The following GARNL3 variants were observed in gnomAD, a reference collection of about 807,000 sequenced individuals.
The protein encoded by GARNL3 is GTPase activating Rap/RanGAP domain like 3, also known as GTPase-activating Rap/Ran-GAP domain-like protein 3.
GARNL3 carries 63 observed loss-of-function variants against 125.0 expected under a neutral mutation model. The ratio of observed to expected loss-of-function variants is 0.50; its 90% confidence interval spans 0.41 to 0.62. GARNL3 has a LOEUF of 0.62. Ranked by LOEUF, GARNL3 falls within the 20% of genes least tolerant of loss-of-function variation. The pLI is 0.00. For missense variants in GARNL3, 994 were observed against 1,244.0 expected, an observed-to-expected ratio of 0.80 and a Z score of 3.02; for synonymous variants, 439 against 457.5, an observed-to-expected ratio of 0.96 and a Z score of 0.52.
intron 21 of GARNL3, among the ~76,000 whole-genome samples, chr9:127,359,532 T>C (rs1830872038): frequency 1.3e-5 from 2 of 152,000 alleles, no homozygotes. Context: ...TTCTCAAAAC[T>C]GTGTAAGCAG....
chr9:127,313,478 C>G lies in GARNL3; in HGVS notation c.357C>G (p.Ser119Arg). 3.1e-6 allele frequency: 5 copies of G among 1,613,906 alleles called. No homozygotes were observed. Among genetic ancestry groups the G allele is most frequent in the Non-Finnish European group, 4.2e-6 (5 of 1,179,756 alleles). Residue 119 changes from serine (S) to arginine (R), a missense_variant, in exon 4 of 28, where the codon AGC becomes AGG. Physicochemically the swap from Ser to Arg is moderately radical, Grantham distance 110. Around this residue, in one of 5 missense-constraint regions of GARNL3, gnomAD observed 139 missense variants for 231.6 expected, o/e 0.60. Coordinates refer to ENST00000373387, the MANE Select transcript of GARNL3 (RefSeq NM_032293.5). ...QNYIGNDAEK[S>R]PFFLSVTLSD... ...ACATTGGAAACGATGCCGAGAAGAG[C>G]CCTTTCTTCTTGTCCGTGACCCTTT...
chr9:127,224,906 GGGGCGGGGCGT>G (rs71377990), intron 1 of GARNL3, among the ~76,000 whole-genome samples: 20,808 of 100,828 alleles, frequency 0.21, 3,578 homozygotes, highest in East Asian at 0.43. Flanking sequence ...ACCGGAGCGC[GGGGCGGGGCGT>G]GGGCGGGGCG....
At chr9:127,389,995 A>G (rs1298674140) in intron 26 of GARNL3, among the ~76,000 whole-genome samples, 1 of 152,076 alleles carries the variant, frequency 6.6e-6, no homozygotes, top group Non-Finnish European at 1.5e-5. Context: ...TAAGTGTGAA[A>G]AGGTTAGACT....
intron 2 of GARNL3, among the ~76,000 whole-genome samples, chr9:127,310,530 C>G (rs7867032): frequency 0.084 from 12,731 of 152,028 alleles, 1,566 homozygotes; most frequent in African/African-American, 0.27. Context: ...ACCTGTAATC[C>G]CAGCACTTTG....
rs1311480364 is a variant in GARNL3, at chr9:127,344,349, C to A, written c.1356+10C>A. 6.4e-7 allele frequency: 1 copy of A among 1,558,718 alleles called. No individual in the cohort carries two copies. Among genetic ancestry groups the A allele is most frequent in the Non-Finnish European group, 8.9e-7 (1 of 1,129,942 alleles). On this transcript the variant is annotated intron_variant, in intron 15 of 27. Transcript: ENST00000373387. ...TGTTAGAATAGGGCAGGTGGGTTTT[C>A]TTCTGAAACCTTTTCTGCGAGACAT...
intron 17 of GARNL3, chr9:127,353,643 G>A (rs1830527067): frequency 3.5e-6 from 2 of 572,570 alleles, no homozygotes; most frequent in Non-Finnish European, 6.2e-6. Context: ...TTGCCTATGG[G>A]AAGAAAGCAT....
chr9:127,303,150 C>T (rs1564898773), intron 2 of GARNL3, among the ~76,000 whole-genome samples: 1 of 150,612 alleles, frequency 6.6e-6, no homozygotes, highest in South Asian at 2.1e-4. Flanking sequence ...GACTCCATCT[C>T]AAAAAAAATA....
At chr9:127,382,090 C>G (rs1346761738) in intron 22 of GARNL3, among the ~76,000 whole-genome samples, 1 of 152,060 alleles carries the variant, frequency 6.6e-6, no homozygotes, top group Non-Finnish European at 1.5e-5. Flanking sequence ...CACTTGAGGT[C>G]AGGAGTTCGA....
intron 2 of GARNL3, among the ~76,000 whole-genome samples, chr9:127,296,652 A>G (rs992139294): frequency 6.6e-6 from 1 of 151,898 alleles, no homozygotes; most frequent in Non-Finnish European, 1.5e-5. Flanking sequence ...TTATATTTTT[A>G]GTAGAGACAG....
Position 127,333,057 on chromosome 9 carries a change from T to A in GARNL3, c.705T>A (p.Asn235Lys). Residue 235 changes from asparagine (N) to lysine (K), a missense_variant, in exon 9 of 28, where the codon AAT becomes AAA. This residue lies in a region of GARNL3 where 71 missense variants were observed against 66.2 expected (regional missense o/e 1.07). Coordinates refer to ENST00000373387, the MANE Select transcript of GARNL3 (RefSeq NM_032293.5). ...GCGAGCCTTTTCAAAAATTTTTAAATCTTCTGGGTGACACAATCACTCTAA... is the reference window on the plus strand; with the variant it reads ...GCGAGCCTTTTCAAAAATTTTTAAAACTTCTGGGTGACACAATCACTCTAA... The part of the protein sequence containing the change: ...IGSEPFQKFL[N>K]LLGDTITLKG... The A allele has an allele frequency of 6.2e-7, 1 of 1,614,114 alleles. No individual in the cohort carries two copies. Among genetic ancestry groups the A allele is most frequent in the Non-Finnish European group, 8.5e-7 (1 of 1,179,962 alleles).
At chr9:127,257,770 AC>A (rs1416873782) in intron 2 of GARNL3, among the ~76,000 whole-genome samples, 1 of 152,182 alleles carries the variant, frequency 6.6e-6, no homozygotes, top group Admixed American at 6.5e-5. Context: ...AAAGGAACCC[AC>A]CTGTGTTCAA....
intron 2 of GARNL3, among the ~76,000 whole-genome samples, chr9:127,305,964 C>G (rs987411167): frequency 2.6e-5 from 4 of 152,098 alleles, no homozygotes; most frequent in African/African-American, 9.7e-5. Context: ...CATGCCAGTG[C>G]CTCTGGAGTC....
chr9:127,334,203 A>G (rs954103162), intron 9 of GARNL3, among the ~76,000 whole-genome samples: 3 of 152,144 alleles, frequency 2.0e-5, no homozygotes, highest in Non-Finnish European at 4.4e-5. Flanking sequence ...GAAGGTAGGT[A>G]AGATTACAAG....
chr9:127,353,297 G>A (rs752395470), intron 17 of GARNL3, among the ~76,000 whole-genome samples: 3 of 152,158 alleles, frequency 2.0e-5, no homozygotes, highest in African/African-American at 7.2e-5. Flanking sequence ...TACTGAAAAT[G>A]TATAGGCAAA....
At chr9:127,298,795 C>A (rs2064688205) in intron 2 of GARNL3, among the ~76,000 whole-genome samples, 1 of 152,124 alleles carries the variant, frequency 6.6e-6, no homozygotes, top group African/African-American at 2.4e-5. Flanking sequence ...TGTTATTATG[C>A]CTCCAGAGTC....
intron 20 of GARNL3, chr9:127,356,487 C>T (rs1182635527): frequency 6.6e-6 from 1 of 152,180 alleles, no homozygotes; most frequent in Non-Finnish European, 1.5e-5. Flanking sequence ...TGGAGTATTT[C>T]TACTGGAGAG....
rs1466570857 is a variant in GARNL3 at position 127,301,883 on chromosome 9, T to G, written c.220-9753T>G. Reference sequence around the variant, plus strand: ...AGATGGTGCAGCAGAGGGGACAATCTTTCAGCTTTTTACAAATCTATCTTC... The same window carrying G: ...AGATGGTGCAGCAGAGGGGACAATCGTTCAGCTTTTTACAAATCTATCTTC... On this transcript the variant is annotated intron_variant, in intron 2 of 27. Transcript: ENST00000373387. 2.7e-5 allele frequency among the ~76,000 whole-genome samples: 4 copies of G among 148,884 alleles called. No homozygotes were observed. The East Asian group carries it at 6.0e-4, about 22-fold the overall frequency.
chr9:127,382,028 C>T (rs376666666), intron 22 of GARNL3, among the ~76,000 whole-genome samples: 1 of 152,164 alleles, frequency 6.6e-6, no homozygotes, highest in South Asian at 2.1e-4. Flanking sequence ...CAGGCCAGCT[C>T]GGTGGCTCAT....
In GARNL3 at chr9:127,312,531, GA is replaced by G. The variant is rs138068414; in HGVS notation, c.319+800del. 9.3e-3 allele frequency among the ~76,000 whole-genome samples: 1,405 copies of G among 151,350 alleles called. 24 individuals are homozygous for G. Among genetic ancestry groups the G allele is most frequent in the African/African-American group, 0.032 (1,313 of 41,522 alleles). On this transcript the variant is annotated intron_variant, in intron 3 of 27. Coordinates refer to ENST00000373387, the MANE Select transcript of GARNL3 (RefSeq NM_032293.5). Reference sequence around the variant, plus strand: ...TCAAGTGAAAATATACAGAAAGGTGGAAAACAGGAGTGTGGTTAATGACAAA... The same window carrying G: ...TCAAGTGAAAATATACAGAAAGGTGGAAACAGGAGTGTGGTTAATGACAAA...
Sources: gnomAD v4.1 joint callset for allele counts (sites outside exome capture counted in the v4.1 genomes callset) on GRCh38, gnomAD v4.1.1 for gene constraint, gnomAD v4.1.1 regional missense constraint, MANE v1.5 for transcripts, NCBI Gene and HGNC (gene_info 2026-07-23, HGNC 2026-07-21) for gene names.